The following FRMPD2 variants were observed in gnomAD, a reference collection of about 807,000 sequenced individuals.
FRMPD2 encodes the protein FERM and PDZ domain-containing protein 2.
In FRMPD2, 96 loss-of-function variants were observed where a neutral mutation model predicts 140.1. The ratio of observed to expected loss-of-function variants is 0.69; its 90% CI spans 0.58 to 0.81. The LOEUF (loss-of-function observed/expected upper bound fraction) is 0.81. FRMPD2 is among the 40% of genes least tolerant of loss of function. The probability of loss-of-function intolerance (pLI) is 0.00; values close to 1 mark genes in which losing one functional copy is unlikely to be tolerated. For synonymous variants in FRMPD2, 449 were observed against 547.6 expected (o/e 0.82, Z 2.52); for missense variants, 1,240 against 1,447.4 (o/e 0.86, Z 2.32).
intron 1 of FRMPD2, among the ~76,000 whole-genome samples, chr10:48,257,573 C>T (rs1840513205): frequency 6.6e-6 from 1 of 152,206 alleles, no homozygotes; most frequent in Admixed American, 6.5e-5. Context: ...AGTCACCATA[C>T]CCTGCCAACC....
chr10:48,214,001 A>G (rs1409327736), intron 12 of FRMPD2, among the ~76,000 whole-genome samples: 3 of 152,228 alleles, frequency 2.0e-5, no homozygotes, highest in Non-Finnish European at 2.9e-5. Flanking sequence ...TTTTTCCATA[A>G]GCCCAACTAC....
intron 14 of FRMPD2, among the ~76,000 whole-genome samples, chr10:48,205,371 C>T (rs1021053506): frequency 6.6e-6 from 1 of 152,156 alleles, no homozygotes; most frequent in African/African-American, 2.4e-5. Context: ...AAATAAATAC[C>T]TGTAAAAGTT....
At chr10:48,193,004 T>A in intron 15 of FRMPD2, 110 bp from the exon 16 acceptor site, 1 of 784,182 alleles carries the variant, frequency 1.3e-6, no homozygotes, top group Non-Finnish European at 2.1e-6. Context: ...TCCTCCTTTC[T>A]TTTTCTGCTG....
intron 27 of FRMPD2, 144 bp from the exon 28 acceptor site, chr10:48,163,815 G>A: frequency 4.3e-6 from 3 of 692,700 alleles, no homozygotes; most frequent in Non-Finnish European, 7.8e-6. Context: ...TAGCATCCCA[G>A]CTCCTCCACA....
At chr10:48,198,717 A>C (rs1255501436) in intron 15 of FRMPD2, among the ~76,000 whole-genome samples, 1 of 152,202 alleles carries the variant, frequency 6.6e-6, no homozygotes, top group Non-Finnish European at 1.5e-5. Context: ...TAAGCATAGA[A>C]TGTTTTTCCA....
At chr10:48,184,503 G>A in intron 20 of FRMPD2, 63 bp downstream of exon 20, 2 of 987,810 alleles carry the variant, frequency 2.0e-6, no homozygotes, top group Non-Finnish European at 3.2e-6. Flanking sequence ...GTACCTCACA[G>A]TAATCATGTA....
rs1839217584 is a variant in FRMPD2 at position 48,207,063 on chromosome 10, T to C, written c.1612-130A>G. The C allele has an allele frequency of 1.2e-5, 9 of 775,482 alleles. No homozygotes were observed. In the South Asian group the frequency reaches 1.3e-4, roughly 11 times the overall value. 48.0% of individuals were successfully genotyped at this position (775,482 alleles called of 1,614,324 possible). On this transcript the variant is annotated intron_variant, in intron 13 of 28. Transcript: ENST00000374201. ...AGAAAGAGTAGAATTGTCATGTAAG[T>C]TTAGGAAACACTGGGTCAAACAGAT...
intron 1 of FRMPD2, among the ~76,000 whole-genome samples, chr10:48,259,534 A>G (rs1187124213): frequency 6.6e-6 from 1 of 152,208 alleles, no homozygotes; most frequent in African/African-American, 2.4e-5. Flanking sequence ...GTATATAAGA[A>G]GAACGATTTC....
At chr10:48,186,148 G>A (rs955931558) in intron 17 of FRMPD2, among the ~76,000 whole-genome samples, 2 of 152,202 alleles carry the variant, frequency 1.3e-5, no homozygotes, top group Admixed American at 6.5e-5. Context: ...TTGGATCATG[G>A]AGGAGCCCCA....
chr10:48,272,050 G>T lies in FRMPD2; in HGVS notation c.25+2493C>A, dbSNP rs370804026. 9.4e-4 allele frequency among the ~76,000 whole-genome samples: 143 copies of T among 152,352 alleles called. 1 individual carries two copies. The highest frequency in any genetic ancestry group is 3.3e-3 in the African/African-American group (139 of 41,582). On this transcript the variant is annotated intron_variant, in intron 1 of 28. Transcript: ENST00000374201. ...AATGACTTCACTAATGGAGCTGCAG[G>T]TAGCATTGTCCTGGGCTGCACACCG...
intron 3 of FRMPD2, among the ~76,000 whole-genome samples, chr10:48,247,690 T>C (rs1840282318): frequency 6.6e-6 from 1 of 152,134 alleles, no homozygotes; most frequent in Non-Finnish European, 1.5e-5. Flanking sequence ...TCCCCTGCAT[T>C]CTCAGGTTGC....
intron 14 of FRMPD2, among the ~76,000 whole-genome samples, chr10:48,202,096 G>A (rs1839099605): frequency 1.3e-5 from 2 of 151,972 alleles, no homozygotes; most frequent in East Asian, 1.9e-4. Context: ...GAGGCTACCT[G>A]TATAGAGCCT....
chr10:48,253,075 T>A (rs969546431), intron 1 of FRMPD2, among the ~76,000 whole-genome samples: 1 of 152,152 alleles, frequency 6.6e-6, no homozygotes, highest in African/African-American at 2.4e-5. Flanking sequence ...ACAAAAAATC[T>A]CTAAATCCCA....
chr10:48,193,741 CTG>C (rs996490379), intron 15 of FRMPD2, among the ~76,000 whole-genome samples: 2 of 152,066 alleles, frequency 1.3e-5, no homozygotes, highest in African/African-American at 4.8e-5. Context: ...CCTGGTTTCT[CTG>C]TGTGTGTATG....
chr10:48,208,795 C>CAGAT (rs1164789652), intron 13 of FRMPD2, among the ~76,000 whole-genome samples: 1 of 152,164 alleles, frequency 6.6e-6, no homozygotes, highest in Non-Finnish European at 1.5e-5. Context: ...TGCTTTGGGC[C>CAGAT]ATCTTACTAC....
intron 7 of FRMPD2, among the ~76,000 whole-genome samples, chr10:48,239,149 G>A (rs917831902): frequency 6.6e-6 from 1 of 152,176 alleles, no homozygotes; most frequent in South Asian, 2.1e-4. Flanking sequence ...CTGGATAGCC[G>A]AGCCGAAGAC....
chr10:48,258,672 T>A (rs547933874), intron 1 of FRMPD2, among the ~76,000 whole-genome samples: 5,513 of 152,290 alleles, frequency 0.036, 279 homozygotes, highest in African/African-American at 0.11. Flanking sequence ...TTTTCGGCAT[T>A]CAGAGCATTT....
chr10:48,186,093 A>T (rs1295219049), intron 17 of FRMPD2, among the ~76,000 whole-genome samples: 1 of 152,222 alleles, frequency 6.6e-6, no homozygotes, highest in Non-Finnish European at 1.5e-5. Flanking sequence ...AGGGGTGACA[A>T]GGTGCCAGCA....
intron 6 of FRMPD2, 28 bp downstream of exon 6, chr10:48,240,332 G>C (rs138387152): frequency 1.9e-6 from 3 of 1,604,040 alleles, no homozygotes; most frequent in Middle Eastern, 2.0e-4. Context: ...ATCAGCCCAC[G>C]CAGGGACTGC....
Sources: gnomAD v4.1 joint callset for allele counts (sites outside exome capture counted in the v4.1 genomes callset) on GRCh38, gnomAD v4.1.1 for gene constraint, MANE v1.5 for transcripts, NCBI Gene and HGNC (gene_info 2026-07-23, HGNC 2026-07-21) for gene names.